RBFOX1: variants seen among roughly 807,000 people sequenced by gnomAD.
The protein encoded by RBFOX1 is RNA binding protein fox-1 homolog 1.
A neutral mutation model predicts 57.7 loss-of-function variants in RBFOX1; 8 were observed. The ratio of observed to expected loss-of-function variants is 0.14; its 90% CI spans 0.08 to 0.25. The LOEUF (loss-of-function observed/expected upper bound fraction) is 0.25, where lower values mean the gene tolerates loss of function less well. Among genes scored for constraint, RBFOX1 ranks in the 10% least tolerant of loss-of-function variants. RBFOX1 has a pLI of 1.00. For synonymous variants in RBFOX1, 326 were observed against 222.4 expected, an observed-to-expected ratio of 1.47 and a Z score of -4.15; for missense variants, 611 against 548.5, an observed-to-expected ratio of 1.11 and a Z score of -1.14.
chr16:7,509,276 G>T (rs943418258), intron 4 of RBFOX1, among the ~76,000 whole-genome samples: 3 of 152,158 alleles, frequency 2.0e-5, no homozygotes, highest in Middle Eastern at 6.3e-3. Context: ...GAAGTCTGCT[G>T]CTGCACTTGA....
intron 4 of RBFOX1, among the ~76,000 whole-genome samples, chr16:5,885,306 A>G (rs1162782358): frequency 6.8e-6 from 1 of 146,722 alleles, no homozygotes; most frequent in Non-Finnish European, 1.5e-5. Flanking sequence ...GTCACGTTAG[A>G]CTCCTGGAGG....
At chr16:5,885,904 G>T (rs2057887910) in intron 4 of RBFOX1, among the ~76,000 whole-genome samples, 1 of 152,164 alleles carries the variant, frequency 6.6e-6, no homozygotes, top group Admixed American at 6.6e-5. Context: ...GTGTTGAATT[G>T]TAATCCTCGA....
chr16:6,138,909 C>G (rs2096689934), intron 1 of RBFOX1, among the ~76,000 whole-genome samples: 1 of 152,058 alleles, frequency 6.6e-6, no homozygotes. Flanking sequence ...ATCACCTTCG[C>G]TATATTTTAT....
At chr16:7,144,852 G>A (rs186793713) in intron 4 of RBFOX1, among the ~76,000 whole-genome samples, 52 of 152,232 alleles carry the variant, frequency 3.4e-4, no homozygotes, top group African/African-American at 1.2e-3. Context: ...GCTGAAGGTT[G>A]CCATTTAGCA....
chr16:6,924,996 G>A (rs1408107432), intron 3 of RBFOX1, among the ~76,000 whole-genome samples: 1 of 150,158 alleles, frequency 6.7e-6, no homozygotes, highest in African/African-American at 2.5e-5. Context: ...TTTCATCCAT[G>A]TCCGTACAAA....
chr16:6,480,929 A>G (rs1343551000), intron 2 of RBFOX1, among the ~76,000 whole-genome samples: 2 of 152,186 alleles, frequency 1.3e-5, no homozygotes, highest in Non-Finnish European at 2.9e-5. Flanking sequence ...TTTTAATGCT[A>G]GATGGGTATT....
intron 3 of RBFOX1, among the ~76,000 whole-genome samples, chr16:6,980,669 G>T (rs1369160473): frequency 6.6e-6 from 1 of 152,146 alleles, no homozygotes; most frequent in Admixed American, 6.6e-5. Context: ...ACACAATACA[G>T]CTAAATTTCT....
At chr16:6,234,767 A>G (rs1318486521) in intron 1 of RBFOX1, among the ~76,000 whole-genome samples, 1 of 152,148 alleles carries the variant, frequency 6.6e-6, no homozygotes, top group African/African-American at 2.4e-5. Context: ...TTGAGGTTAC[A>G]TGGATCTATA....
intron 10 of RBFOX1, among the ~76,000 whole-genome samples, chr16:7,615,892 T>C (rs1203916687): frequency 1.3e-5 from 2 of 152,180 alleles, no homozygotes; most frequent in Non-Finnish European, 2.9e-5. Context: ...ATTGACGCTA[T>C]TCGAGATGCC....
intron 3 of RBFOX1, among the ~76,000 whole-genome samples, chr16:6,999,225 A>ATTTTATTTTATTTTAT (rs200620958): frequency 8.1e-6 from 1 of 122,954 alleles, no homozygotes; most frequent in African/African-American, 2.9e-5. Context: ...TATTTTTTTT[A>ATTTTATTTTATTTTAT]TTTATTTTTT....
chr16:5,984,965 TATA>T (rs2060252834), intron 4 of RBFOX1, among the ~76,000 whole-genome samples: 3 of 41,954 alleles, frequency 7.2e-5, no homozygotes, highest in African/African-American at 1.9e-4. Context: ...TATATATATA[TATA>T]TATATATATT....
At chr16:6,912,611 G>GTC (rs2071953431) in intron 3 of RBFOX1, among the ~76,000 whole-genome samples, 1 of 124,072 alleles carries the variant, frequency 8.1e-6, no homozygotes, top group Non-Finnish European at 1.7e-5. Flanking sequence ...TCTTGTGTGT[G>GTC]TGTGTTATTA....
chr16:6,401,772 G>C (rs921755345), intron 2 of RBFOX1, among the ~76,000 whole-genome samples: 1 of 151,986 alleles, frequency 6.6e-6, no homozygotes, highest in South Asian at 2.1e-4. Context: ...AACATTAAAT[G>C]ATAAACTATA....
intron 14 of RBFOX1, among the ~76,000 whole-genome samples, chr16:7,685,509 C>G (rs1289121369): frequency 1.3e-5 from 2 of 152,036 alleles, no homozygotes; most frequent in Non-Finnish European, 2.9e-5. Context: ...TTTACTGACC[C>G]TCAGTTTTTT....
At chr16:6,630,545 T>C (rs1304501855) in intron 2 of RBFOX1, among the ~76,000 whole-genome samples, 2 of 152,164 alleles carry the variant, frequency 1.3e-5, no homozygotes, top group Non-Finnish European at 2.9e-5. Flanking sequence ...GCACTATTCA[T>C]AAGGCCACTT....
intron 3 of RBFOX1, among the ~76,000 whole-genome samples, chr16:5,703,321 A>C (rs1324162834): frequency 6.6e-6 from 1 of 152,190 alleles, no homozygotes; most frequent in African/African-American, 2.4e-5. Flanking sequence ...AAAGATGTAT[A>C]AGAATTGGCC....
At chr16:7,343,806 G>C (rs944377003) in intron 4 of RBFOX1, among the ~76,000 whole-genome samples, 18 of 152,120 alleles carry the variant, frequency 1.2e-4, no homozygotes, top group Admixed American at 6.5e-5. Flanking sequence ...TTTGCTACCT[G>C]TGTGACCTTG....
At chr16:6,575,240 A>G (rs1302264642) in intron 2 of RBFOX1, among the ~76,000 whole-genome samples, 1 of 152,174 alleles carries the variant, frequency 6.6e-6, no homozygotes, top group African/African-American at 2.4e-5. Flanking sequence ...TGATAAAGAT[A>G]ATTACATCCT....
chr16:6,906,339 C>G (rs1048032738), intron 3 of RBFOX1, among the ~76,000 whole-genome samples: 1 of 151,884 alleles, frequency 6.6e-6, no homozygotes, highest in African/African-American at 2.4e-5. Context: ...GTCTCAGGCA[C>G]TACCTAATGA....
Sources: gnomAD v4.1 joint callset for allele counts (sites outside exome capture counted in the v4.1 genomes callset) on GRCh38, gnomAD v4.1.1 for gene constraint, MANE v1.5 for transcripts, NCBI Gene and HGNC (gene_info 2026-07-23, HGNC 2026-07-21) for gene names.